The following CALD1 variants were observed in gnomAD, a reference collection of about 807,000 sequenced individuals.
The protein encoded by CALD1 is caldesmon 1.
Under a neutral mutation model 99.9 loss-of-function variants are expected in CALD1, and 33 were observed. The observed-to-expected ratio is 0.33, with a 90% CI of 0.25 to 0.44. The LOEUF (loss-of-function observed/expected upper bound fraction) is 0.44, where lower values mean the gene tolerates loss of function less well. CALD1 is among the 20% of genes least tolerant of loss of function. The pLI is 1.00. For synonymous variants in CALD1, 310 were observed against 325.0 expected (o/e 0.95, Z 0.50); for missense variants, 861 against 962.1 (o/e 0.89, Z 1.39).
At chr7:134,943,007 AG>A in intron 7 of CALD1, among the ~76,000 whole-genome samples, 1 of 152,326 alleles carries the variant, frequency 6.6e-6, no homozygotes, top group South Asian at 2.1e-4. Flanking sequence ...TATTTTGGGC[AG>A]GAAAAAAAAA....
At chr7:134,800,653 T>A (rs190227055) in intron 1 of CALD1, among the ~76,000 whole-genome samples, 84 of 152,182 alleles carry the variant, frequency 5.5e-4, no homozygotes, top group South Asian at 2.1e-3. Flanking sequence ...AATTTCAAAA[T>A]CTAGTCACAG....
intron 4 of CALD1, 25 bp downstream of exon 4, chr7:134,928,925 GT>G (rs756835730): frequency 6.3e-7 from 1 of 1,583,396 alleles, no homozygotes; most frequent in East Asian, 2.3e-5. Flanking sequence ...GGGACGGGGA[GT>G]TTCTAACTTG....
intron 8 of CALD1, among the ~76,000 whole-genome samples, chr7:134,949,129 A>T (rs1289923828): frequency 6.6e-6 from 1 of 152,132 alleles, no homozygotes; most frequent in Non-Finnish European, 1.5e-5. Flanking sequence ...GGCACTCAAA[A>T]ATTAGTAGGT....
At chr7:134,954,527 G>A (rs10270883) in intron 9 of CALD1, among the ~76,000 whole-genome samples, 1,990 of 152,206 alleles carry the variant, frequency 0.013, 56 homozygotes, top group African/African-American at 0.044. Context: ...ATCAGTAAAC[G>A]GACAGTGCAT....
At chr7:134,727,874 G>A in the CALD1 span, among the ~76,000 whole-genome samples, 15 of 152,284 alleles carry the variant, frequency 9.9e-5, no homozygotes, top group African/African-American at 1.9e-4. Context: ...GAAGAAGCTC[G>A]GCCCAAATGA....
At chr7:134,835,680 T>C (rs1799404727) in intron 1 of CALD1, among the ~76,000 whole-genome samples, 1 of 152,144 alleles carries the variant, frequency 6.6e-6, no homozygotes, top group African/African-American at 2.4e-5. Context: ...CTAGAATTTA[T>C]TGACTTGAGA....
At chr7:134,712,608 A>T in the CALD1 span, among the ~76,000 whole-genome samples, 1 of 152,236 alleles carries the variant, frequency 6.6e-6, no homozygotes, top group Admixed American at 6.5e-5. Context: ...ATGGTGGGTT[A>T]TCAATTCATC....
chr7:134,956,112 T>C (rs1390433464), intron 9 of CALD1, among the ~76,000 whole-genome samples: 2 of 39,620 alleles, frequency 5.0e-5, no homozygotes, highest in Non-Finnish European at 9.3e-5. Flanking sequence ...CTTATAGTAC[T>C]TTTTTGCATA....
intron 12 of CALD1, 25 bp from the exon 13 acceptor site, chr7:134,960,507 TA>T (rs921992668): frequency 5.1e-6 from 7 of 1,382,090 alleles, no homozygotes; most frequent in Non-Finnish European, 7.2e-6. Context: ...CATTCTTTAA[TA>T]TTTTGGATGA....
At chr7:134,809,278 TGTA>T (rs1156590043) in intron 1 of CALD1, among the ~76,000 whole-genome samples, 3 of 152,214 alleles carry the variant, frequency 2.0e-5, no homozygotes, top group Non-Finnish European at 4.4e-5. Context: ...TTCTTTTTAA[TGTA>T]GTATTTTGGG....
At chr7:134,946,407 G>A (rs1020047302) in intron 7 of CALD1, among the ~76,000 whole-genome samples, 3 of 152,092 alleles carry the variant, frequency 2.0e-5, no homozygotes, top group Non-Finnish European at 2.9e-5. Flanking sequence ...ATATTGTTGT[G>A]CAACAGATCT....
chr7:134,805,469 A>T (rs1465585146), intron 1 of CALD1, among the ~76,000 whole-genome samples: 4 of 152,088 alleles, frequency 2.6e-5, no homozygotes, highest in African/African-American at 9.7e-5. Flanking sequence ...TTTCATAGAT[A>T]CAGTAGTTCT....
At chr7:134,831,842 G>A (rs1344988056) in intron 1 of CALD1, among the ~76,000 whole-genome samples, 1 of 152,126 alleles carries the variant, frequency 6.6e-6, no homozygotes, top group Non-Finnish European at 1.5e-5. Context: ...TCAACTGAGG[G>A]GCGTGTAAAG....
chr7:134,950,148 A>T (rs149353669), intron 8 of CALD1, among the ~76,000 whole-genome samples: 1 of 152,306 alleles, frequency 6.6e-6, no homozygotes, highest in East Asian at 1.9e-4. Context: ...GCAGATAAAT[A>T]ACATGGCCAA....
At chr7:134,806,256 G>A (rs1187666815) in intron 1 of CALD1, among the ~76,000 whole-genome samples, 1 of 152,200 alleles carries the variant, frequency 6.6e-6, no homozygotes, top group South Asian at 2.1e-4. Context: ...TTCCTAAGCA[G>A]ATAGTTCATA....
intron 2 of CALD1, among the ~76,000 whole-genome samples, chr7:134,855,114 TAA>T (rs1353515808): frequency 2.6e-5 from 4 of 152,330 alleles, no homozygotes; most frequent in African/African-American, 9.6e-5. Context: ...ATGATCCAAT[TAA>T]AGTCTTTTCT....
rs150604081 is a variant in CALD1, at chr7:134,780,540, C to T, written c.-130+791C>T. Among the ~76,000 whole-genome samples, 4 of 152,066 alleles carry T rather than the reference C, an allele frequency of 2.6e-5. No homozygotes were observed. The East Asian group carries it at 7.7e-4, about 29-fold the overall frequency. ...GTGTCTAGAGAATCTAAAGAGATGTCGATTGGCAATGTGTTTCAGAAAGGA... is the reference window on the plus strand; with the variant it reads ...GTGTCTAGAGAATCTAAAGAGATGTTGATTGGCAATGTGTTTCAGAAAGGA... On this transcript the variant is annotated intron_variant, in intron 1 of 14. Transcript: ENST00000361675.
At chr7:134,737,606 T>C in the CALD1 span, among the ~76,000 whole-genome samples, 1 of 152,210 alleles carries the variant, frequency 6.6e-6, no homozygotes, top group Non-Finnish European at 1.5e-5. Flanking sequence ...TTTTATGTTG[T>C]TGTTCTAGAG....
upstream of CALD1, among the ~76,000 whole-genome samples, chr7:134,775,956 G>A (rs1796915522): frequency 6.6e-6 from 1 of 152,096 alleles, no homozygotes; most frequent in African/African-American, 2.4e-5. Flanking sequence ...AATTAGAGAT[G>A]GCTGATTACA....
Sources: allele counts gnomAD v4.1 joint callset (sites outside exome capture counted in the v4.1 genomes callset), GRCh38; gene constraint gnomAD v4.1.1; transcripts MANE v1.5; gene names NCBI Gene and HGNC (gene_info 2026-07-23, HGNC 2026-07-21).